Variants in AGXT2 observed in about 807,000 individuals in gnomAD.
The protein encoded by AGXT2 is alanine--glyoxylate aminotransferase 2.
Under a neutral mutation model 62.5 loss-of-function variants are expected in AGXT2, and 61 were observed. The observed-to-expected ratio is 0.98, with a 90% CI of 0.79 to 1.21. The LOEUF (loss-of-function observed/expected upper bound fraction) is 1.21, where lower values mean the gene tolerates loss of function less well. Ranked by LOEUF, AGXT2 falls within the 50% of genes most tolerant of loss-of-function variation. The probability of loss-of-function intolerance (pLI) is 0.00; values close to 1 mark genes in which losing one functional copy is unlikely to be tolerated. For missense variants in AGXT2, 666 were observed against 641.5 expected (o/e 1.04, Z -0.41); for synonymous variants, 243 against 218.7 (o/e 1.11, Z -0.98).
intron 12 of AGXT2, among the ~76,000 whole-genome samples, chr5:35,007,943 A>G (rs1766494119): frequency 6.6e-6 from 1 of 151,522 alleles, no homozygotes; most frequent in African/African-American, 2.4e-5. Context: ...CCAACCCCTA[A>G]TCTCTTGCTT....
At chr5:35,008,332 A>G (rs1580572445) in intron 12 of AGXT2, among the ~76,000 whole-genome samples, 1 of 152,274 alleles carries the variant, frequency 6.6e-6, no homozygotes, top group African/African-American at 2.4e-5. Context: ...GTTGTGATGA[A>G]CATCTTTGTT....
intron 9 of AGXT2, among the ~76,000 whole-genome samples, chr5:35,021,862 C>G (rs1270672945): frequency 6.6e-6 from 1 of 152,150 alleles, no homozygotes; most frequent in African/African-American, 2.4e-5. Context: ...ACAATGAACT[C>G]TAACAAATTT....
At chr5:35,012,872 G>T in intron 11 of AGXT2, 82 bp downstream of exon 11, 1 of 1,222,296 alleles carries the variant, frequency 8.2e-7, no homozygotes. Context: ...AACTCAGCAT[G>T]ATAGAGTTCT....
rs994371802 is a variant in AGXT2, at chr5:35,020,054, C to T, written c.963+5709G>A. Among the ~76,000 whole-genome samples the T allele has an allele frequency of 2.0e-5, 3 of 152,198 alleles. No individual in the cohort carries two copies. The South Asian group carries it at 6.2e-4, about 32-fold the overall frequency. On this transcript the variant is annotated intron_variant, in intron 9 of 13. Transcript: ENST00000231420. Reference sequence around the variant, plus strand: ...ATTGAATCTCTGAATAGACCAATAACAGGATCTGAAATTGTGGCAATAATC... The same window carrying T: ...ATTGAATCTCTGAATAGACCAATAATAGGATCTGAAATTGTGGCAATAATC...
chr5:35,043,740 G>A (rs1431327974), intron 1 of AGXT2, among the ~76,000 whole-genome samples: 1 of 152,112 alleles, frequency 6.6e-6, no homozygotes, highest in Non-Finnish European at 1.5e-5. Flanking sequence ...GTCTTACATG[G>A]AGTGCAGTGG....
chr5:35,019,581 A>G (rs1278822800), intron 9 of AGXT2, among the ~76,000 whole-genome samples: 1 of 152,230 alleles, frequency 6.6e-6, no homozygotes, highest in Non-Finnish European at 1.5e-5. Context: ...AGCAGTGTGT[A>G]GAGGGAAACT....
At position 35,032,794 on chromosome 5, in the gene AGXT2, C is replaced by A. The variant is rs1234058399; in HGVS notation, c.707G>T (p.Trp236Leu). 3 of 1,608,186 alleles carry A rather than the reference C, an allele frequency of 1.9e-6. No homozygotes were observed. In the East Asian group the frequency reaches 6.7e-5, roughly 36 times the overall value. ...AGAATCTCGACAGTGGCTTCCTCCCCAAGGGCCACGAAAAACATCTGGACA... is the reference window on the plus strand; with the variant it reads ...AGAATCTCGACAGTGGCTTCCTCCCAAAGGGCCACGAAAAACATCTGGACA... ...TMCPDVFRGPWGGSHCRDSPV... is the reference protein window; with the variant it reads ...TMCPDVFRGPLGGSHCRDSPV... Residue 236 changes from tryptophan (W) to leucine (L), a missense_variant, in exon 7 of 14, where the codon TGG becomes TTG. Trp to Leu is a moderately conservative substitution (Grantham distance 61). Coordinates refer to ENST00000231420, the MANE Select transcript of AGXT2 (RefSeq NM_031900.4).
chr5:35,010,577 C>T (rs891041662), intron 11 of AGXT2, among the ~76,000 whole-genome samples: 6 of 151,798 alleles, frequency 4.0e-5, no homozygotes, highest in African/African-American at 7.3e-5. Context: ...CCCAGCTATT[C>T]GGGAGGCTGA....
chr5:35,012,187 C>T (rs567407501), intron 11 of AGXT2, among the ~76,000 whole-genome samples: 106 of 151,934 alleles, frequency 7.0e-4, no homozygotes, highest in African/African-American at 2.5e-3. Context: ...CTATACAATT[C>T]ATCCATGTAA....
chr5:35,046,130 G>A lies in AGXT2; in HGVS notation c.88+1675C>T, dbSNP rs540666077. On this transcript the variant is annotated intron_variant, in intron 1 of 13. Transcript: ENST00000231420. ...CTTGCTGGGCCTATGGTAAGGCGTC[G>A]CCAACGAGTTGCTCAAGATCTCTAG... Among the ~76,000 whole-genome samples the A allele has an allele frequency of 1.4e-4, 22 of 152,144 alleles. 1 individual carries two copies. In the South Asian group the frequency reaches 3.1e-3, roughly 22 times the overall value.
intron 12 of AGXT2, among the ~76,000 whole-genome samples, chr5:35,004,936 T>C (rs995756532): frequency 2.6e-5 from 4 of 152,216 alleles, no homozygotes; most frequent in African/African-American, 7.2e-5. Context: ...TAGAGAGATA[T>C]GTGCATTTTG....
intron 12 of AGXT2, among the ~76,000 whole-genome samples, chr5:35,004,688 T>G (rs542944387): frequency 2.3e-4 from 35 of 152,358 alleles, no homozygotes; most frequent in African/African-American, 8.2e-4. Context: ...AAGCAGGGCT[T>G]AGGCATCTGC....
chr5:35,023,684 G>A (rs576082459), intron 9 of AGXT2, among the ~76,000 whole-genome samples: 3 of 152,074 alleles, frequency 2.0e-5, no homozygotes, highest in African/African-American at 7.2e-5. Context: ...CCTGGACTTC[G>A]ATCAGTTTGT....
At chr5:35,022,029 A>G (rs1767118192) in intron 9 of AGXT2, among the ~76,000 whole-genome samples, 1 of 152,176 alleles carries the variant, frequency 6.6e-6, no homozygotes, top group Non-Finnish European at 1.5e-5. Context: ...ATGAGATACC[A>G]TCTCACACCA....
Position 35,043,370 on chromosome 5 carries a change from C to T in AGXT2, c.89-2707G>A, listed in dbSNP as rs13167284. On this transcript the variant is annotated intron_variant, in intron 1 of 13. Transcript: ENST00000231420. ...GGACACAGTGTGATTTATTAAAATG[C>T]TAATTATTATTATTACTGAGACAGG... Among the ~76,000 whole-genome samples the T allele has an allele frequency of 2.5e-3, 374 of 152,200 alleles. 1 individual carries two copies. Among genetic ancestry groups the T allele is most frequent in the Non-Finnish European group, 4.3e-3 (295 of 67,998 alleles).
chr5:35,044,783 G>A (rs10038101), intron 1 of AGXT2, among the ~76,000 whole-genome samples: 31,859 of 152,142 alleles, frequency 0.21, 3,383 homozygotes, highest in Middle Eastern at 0.25. Flanking sequence ...TCTTCCGCAC[G>A]TTCGGGAGTA....
At chr5:35,037,152 T>G (rs1767808626) in intron 3 of AGXT2, 87 bp from the exon 4 acceptor site, 1 of 1,590,192 alleles carries the variant, frequency 6.3e-7, no homozygotes, top group Admixed American at 1.7e-5. Flanking sequence ...AATATACTGT[T>G]TTTTCTCAAA....
intron 4 of AGXT2, 146 bp downstream of exon 4, chr5:35,036,796 A>C (rs1767782108): frequency 5.3e-6 from 6 of 1,129,196 alleles, no homozygotes; most frequent in Non-Finnish European, 7.8e-6. Context: ...ACAGATGTTC[A>C]GTGCACAGGC....
chr5:35,003,674 T>G, intron 13 of AGXT2, 89 bp downstream of exon 13: 1 of 1,302,078 alleles, frequency 7.7e-7, no homozygotes, highest in Non-Finnish European at 1.1e-6. Flanking sequence ...TTAGGACATC[T>G]TCACAGCTGT....
Sources: allele counts gnomAD v4.1 joint callset (sites outside exome capture counted in the v4.1 genomes callset), GRCh38; gene constraint gnomAD v4.1.1; transcripts MANE v1.5; gene names NCBI Gene and HGNC (gene_info 2026-07-23, HGNC 2026-07-21).